Variants in IGSF11 observed in about 807,000 individuals in gnomAD.
IGSF11 encodes CXADR like 1.
A neutral mutation model predicts 41.0 loss-of-function variants in IGSF11; 22 were observed. The ratio of observed to expected loss-of-function variants is 0.54; its 90% CI spans 0.38 to 0.77. The LOEUF (loss-of-function observed/expected upper bound fraction) is 0.77. IGSF11 is among the 30% of genes least tolerant of loss of function. The pLI is 0.00. For missense variants in IGSF11, 444 were observed against 530.8 expected, an observed-to-expected ratio of 0.84 and a Z score of 1.61; for synonymous variants, 219 against 201.3, an observed-to-expected ratio of 1.09 and a Z score of -0.74.
chr3:119,024,164 C>A (rs905406459), intron 1 of IGSF11, among the ~76,000 whole-genome samples: 1 of 152,106 alleles, frequency 6.6e-6, no homozygotes, highest in African/African-American at 2.4e-5. Context: ...CAAAGAAATG[C>A]AAATGTTAAG....
At chr3:118,948,648 C>G (rs187153302) in intron 1 of IGSF11, among the ~76,000 whole-genome samples, 6 of 151,984 alleles carry the variant, frequency 3.9e-5, no homozygotes, top group African/African-American at 1.5e-4. Flanking sequence ...TGGTTCCTCA[C>G]GAGAAAATTG....
chr3:119,120,870 CT>C lies in IGSF11; in HGVS notation c.-13-15666del, dbSNP rs140297435. ...TAACTATGACTTACTCTTCAGGCTG[CT>C]TTCTGTTAGAGAAGAAATGGTTTGG... On this transcript the variant is annotated intron_variant, in intron 1 of 7. Coordinates refer to the IGSF11 transcript ENST00000425327. Among the ~76,000 whole-genome samples, 374 of 152,312 alleles carry C rather than the reference CT, an allele frequency of 2.5e-3. 1 individual carries two copies. The highest frequency in any genetic ancestry group is 8.7e-3 in the African/African-American group (361 of 41,572).
chr3:119,006,057 G>C (rs1321997395), intron 1 of IGSF11, among the ~76,000 whole-genome samples: 1 of 110,992 alleles, frequency 9.0e-6, no homozygotes, highest in Admixed American at 9.2e-5. Flanking sequence ...CCTGCAGAGT[G>C]TTTTCCAACT....
At chr3:119,087,531 C>T (rs555443745) in intron 1 of IGSF11, among the ~76,000 whole-genome samples, 54 of 152,060 alleles carry the variant, frequency 3.6e-4, no homozygotes, top group Non-Finnish European at 5.4e-4. Flanking sequence ...GAATGGAAAA[C>T]CAAACATCAT....
In IGSF11 at chr3:118,958,580, T is replaced by G. The variant is rs970354183; in HGVS notation, c.53-28305A>C. On this transcript the variant is annotated intron_variant, in intron 1 of 6. Transcript: ENST00000393775. ...AAGATAAAAAAATTATTACAAAGCA[T>G]GCATGCACATTCAGTATAATAAATT... is the stretch of plus-strand genomic sequence containing the variant. Among the ~76,000 whole-genome samples the G allele has an allele frequency of 3.3e-5, 5 of 152,290 alleles. 1 individual carries two copies. The highest frequency in any genetic ancestry group is 1.9e-4 in the East Asian group (1 of 5,186).
intron 1 of IGSF11, among the ~76,000 whole-genome samples, chr3:119,111,781 C>G (rs1316053204): frequency 6.6e-6 from 1 of 151,804 alleles, no homozygotes; most frequent in Non-Finnish European, 1.5e-5. Flanking sequence ...TGTGGATGTT[C>G]TTTCTGTTTG....
At chr3:119,055,982 G>A (rs1235501914) in intron 1 of IGSF11, among the ~76,000 whole-genome samples, 1 of 152,086 alleles carries the variant, frequency 6.6e-6, no homozygotes, top group Non-Finnish European at 1.5e-5. Flanking sequence ...GTGTGTAGAG[G>A]GAAATTTATA....
rs529671582 is a variant in IGSF11 at position 119,119,064 on chromosome 3, G to A, written c.-13-13859C>T. 1.1e-4 allele frequency among the ~76,000 whole-genome samples: 17 copies of A among 152,206 alleles called. No homozygotes were observed. The East Asian group carries it at 3.1e-3, about 28-fold the overall frequency. On this transcript the variant is annotated intron_variant, in intron 1 of 7. Coordinates refer to the IGSF11 transcript ENST00000425327. The stretch of plus-strand genomic sequence containing the variant: ...ATTCCAAACTTTCCCACATTTTCCT[G>A]TCTTCTTCTGAGCCCTCCAAACTCT...
intron 1 of IGSF11, among the ~76,000 whole-genome samples, chr3:119,016,151 G>C (rs1938659326): frequency 6.6e-6 from 1 of 152,244 alleles, no homozygotes; most frequent in Non-Finnish European, 1.5e-5. Flanking sequence ...GCCAGAGCCA[G>C]GAAGGAGGCA....
chr3:118,999,109 TA>T (rs957960874), intron 1 of IGSF11, among the ~76,000 whole-genome samples: 64 of 149,608 alleles, frequency 4.3e-4, no homozygotes, highest in Admixed American at 8.0e-4. Flanking sequence ...AATTATACTT[TA>T]AAAAAAAAAT....
chr3:119,030,417 C>G (rs1364024214), intron 1 of IGSF11, among the ~76,000 whole-genome samples: 1 of 152,052 alleles, frequency 6.6e-6, no homozygotes, highest in African/African-American at 2.4e-5. Context: ...AATTGGAAAC[C>G]AATTTTCTCT....
intron 1 of IGSF11, among the ~76,000 whole-genome samples, chr3:119,120,963 G>T (rs764828049): frequency 1.3e-5 from 2 of 152,120 alleles, no homozygotes; most frequent in Non-Finnish European, 2.9e-5. Context: ...CCTAAAACTA[G>T]TATCTTAATA....
upstream of IGSF11, among the ~76,000 whole-genome samples, chr3:119,105,829 T>A (rs1180537742): frequency 6.6e-6 from 1 of 152,170 alleles, no homozygotes; most frequent in African/African-American, 2.4e-5. Context: ...AAAATAGGGC[T>A]AAATTCTCTC....
chr3:119,027,121 G>C (rs553377477), intron 1 of IGSF11, among the ~76,000 whole-genome samples: 1 of 152,160 alleles, frequency 6.6e-6, no homozygotes, highest in African/African-American at 2.4e-5. Flanking sequence ...GTGTAACAAA[G>C]AGAACCAGTA....
At chr3:118,943,844 CTTGG>C (rs1559936758) in intron 1 of IGSF11, among the ~76,000 whole-genome samples, 1 of 152,202 alleles carries the variant, frequency 6.6e-6, no homozygotes, top group Admixed American at 6.5e-5. Flanking sequence ...AACTTCACCA[CTTGG>C]TTGAATATAG....
intron 1 of IGSF11, among the ~76,000 whole-genome samples, chr3:119,004,685 A>G (rs1937293067): frequency 6.7e-6 from 1 of 148,412 alleles, no homozygotes; most frequent in Non-Finnish European, 1.5e-5. Flanking sequence ...TTGGTTTCAA[A>G]GAACATCTTT....
intron 1 of IGSF11, among the ~76,000 whole-genome samples, chr3:119,140,987 G>A (rs1576844746): frequency 6.8e-6 from 1 of 146,664 alleles, no homozygotes; most frequent in African/African-American, 2.5e-5. Context: ...AGGTTGCAGT[G>A]AGCCGAGACC....
chr3:119,109,511 T>C (rs1177947084), upstream of IGSF11, among the ~76,000 whole-genome samples: 3 of 152,246 alleles, frequency 2.0e-5, no homozygotes, highest in East Asian at 1.9e-4. Context: ...TAGTGGTCTA[T>C]GAATTTTGTT....
At chr3:119,111,873 C>G (rs193130548) in intron 1 of IGSF11, among the ~76,000 whole-genome samples, 1 of 152,342 alleles carries the variant, frequency 6.6e-6, no homozygotes, top group East Asian at 1.9e-4. Flanking sequence ...CCCTGTTTGC[C>G]TGGGTATCAG....
Sources: allele counts gnomAD v4.1 joint callset (sites outside exome capture counted in the v4.1 genomes callset), GRCh38; gene constraint gnomAD v4.1.1; transcripts MANE v1.5; gene names NCBI Gene and HGNC (gene_info 2026-07-23, HGNC 2026-07-21).